Variants in MYO19 observed in about 807,000 individuals in gnomAD.
The protein encoded by MYO19 is unconventional myosin-XIX.
Under a neutral mutation model 129.2 loss-of-function variants are expected in MYO19, and 132 were observed. The ratio of observed to expected loss-of-function variants is 1.02; its 90% CI spans 0.89 to 1.18. The LOEUF is 1.18. MYO19 is among the 50% of genes most tolerant of loss of function. The pLI is 0.00. For missense variants in MYO19, 1,210 were observed against 1,216.7 expected, an observed-to-expected ratio of 0.99 and a Z score of 0.08; for synonymous variants, 531 against 477.2, an observed-to-expected ratio of 1.11 and a Z score of -1.47.
At position 36,507,494 on chromosome 17, in the gene MYO19, C is replaced by T; in HGVS notation, c.1372G>A (p.Gly458Ser). 1.2e-6 allele frequency: 2 copies of T among 1,613,588 alleles called. No homozygotes were observed. The highest frequency in any genetic ancestry group is 1.7e-6 in the Non-Finnish European group (2 of 1,179,860). The change falls in exon 16 of 26, where the codon GGC becomes AGC. Residue 458 changes from glycine to serine, a missense_variant. Coordinates refer to ENST00000614623, the MANE Select transcript of MYO19 (RefSeq NM_001163735.2). ...TAGTTGATGAATGACCACTCCAGGC[C>T]CTCAACTGCGTATTCCTCCTAAAGA... ...RAQQEEYAVE[G>S]LEWSFINYQD...
chr17:36,523,197 A>C (rs1041544570), intron 6 of MYO19, among the ~76,000 whole-genome samples: 13 of 151,646 alleles, frequency 8.6e-5, no homozygotes, highest in South Asian at 2.1e-4. Flanking sequence ...AAAAAAAAAA[A>C]AAAACAAAAA....
chr17:36,543,526 G>A (rs1304628352), upstream of MYO19: 1 of 152,210 alleles, frequency 6.6e-6, no homozygotes, highest in East Asian at 1.9e-4. Flanking sequence ...TTATGTCACC[G>A]ACCCTAACAA....
upstream of MYO19, chr17:36,537,889 T>C (rs770939404): frequency 6.2e-7 from 1 of 1,614,148 alleles, no homozygotes; most frequent in Non-Finnish European, 8.5e-7. Context: ...AAGTCCTGGA[T>C]TATTGCCCTC....
upstream of MYO19, chr17:36,537,082 T>C: frequency 6.4e-7 from 1 of 1,564,406 alleles, no homozygotes; most frequent in Non-Finnish European, 8.6e-7. Flanking sequence ...TCCTTTGCTC[T>C]TGTTTTCACA....
chr17:36,526,850 G>A (rs1177350815), intron 5 of MYO19, among the ~76,000 whole-genome samples: 1 of 152,132 alleles, frequency 6.6e-6, no homozygotes, highest in Admixed American at 6.5e-5. Flanking sequence ...TCGCACTACT[G>A]CGCTCCAGCC....
intron 2 of MYO19, among the ~76,000 whole-genome samples, chr17:36,540,633 A>C: frequency 6.6e-6 from 1 of 152,186 alleles, no homozygotes; most frequent in East Asian, 1.9e-4. Flanking sequence ...GGTCTCCCAA[A>C]GTGCTGGGAT....
chr17:36,507,042 C>A lies in MYO19; in HGVS notation c.1565G>T (p.Ser522Ile), dbSNP rs778622607. The change falls in exon 17 of 26, where the codon AGC becomes ATC. Residue 522 changes from serine (S) to isoleucine (I), a missense_variant. Coordinates refer to ENST00000614623, the MANE Select transcript of MYO19 (RefSeq NM_001163735.2). ...CACCACAATGAAGCTGGGCTCCCGGCTGAGCTTATTGTGGCCCAGGCAGGG... is the reference window on the plus strand; with the variant it reads ...CACCACAATGAAGCTGGGCTCCCGGATGAGCTTATTGTGGCCCAGGCAGGG... ...GSPCLGHNKLSREPSFIVVHY... is the reference protein window; with the variant it reads ...GSPCLGHNKLIREPSFIVVHY... The A allele has an allele frequency of 3.1e-6, 5 of 1,613,744 alleles. No individual in the cohort carries two copies. Among genetic ancestry groups the A allele is most frequent in the Admixed American group, 3.3e-5 (2 of 60,020 alleles).
Position 36,512,699 on chromosome 17 carries a change from C to CT in MYO19, c.894+729dup, listed in dbSNP as rs2072446779. The CT allele has an allele frequency of 2.3e-6, 3 of 1,289,090 alleles. No homozygotes were observed. The South Asian group carries it at 3.7e-5, about 16-fold the overall frequency. The allele number at this position is 1,289,090 out of a possible 1,614,324, so 79.9% of individuals were successfully genotyped here. The stretch of plus-strand genomic sequence containing the variant: ...AGCCCCCATCTGGAGGTGAGGGTCA[C>CT]TTTCCACTGCATTGCTACCTCCCTG... On this transcript the variant is annotated intron_variant, in intron 11 of 25. Coordinates refer to ENST00000614623, the MANE Select transcript of MYO19 (RefSeq NM_001163735.2).
intron 13 of MYO19, chr17:36,509,377 C>A: frequency 1.7e-6 from 1 of 576,400 alleles, no homozygotes; most frequent in Non-Finnish European, 3.1e-6. Flanking sequence ...TATGGGAAGA[C>A]TGAGCACAGG....
At chr17:36,498,829 A>G (rs539674899) in intron 24 of MYO19, 3 of 594,150 alleles carry the variant, frequency 5.0e-6, no homozygotes, top group East Asian at 2.8e-5. Flanking sequence ...CCAGTCTTCT[A>G]AAGTGTACAT....
rs536019890 is a variant in MYO19 at position 36,530,287 on chromosome 17, A to G, written c.13-2085T>C. On this transcript the variant is annotated intron_variant, in intron 3 of 25. Transcript: ENST00000614623. ...TGGGGATATCACTGCACTGGGCAAC[A>G]AAGTGAGACCCTGTCTCTAAATAAT... Among the ~76,000 whole-genome samples, 5 of 152,284 alleles carry G rather than the reference A, an allele frequency of 3.3e-5. No homozygotes were observed. The East Asian group carries it at 7.7e-4, about 24-fold the overall frequency.
At chr17:36,537,384 T>A, upstream of MYO19, 1 of 1,614,040 alleles carries the variant, frequency 6.2e-7, no homozygotes, top group Non-Finnish European at 8.5e-7. Flanking sequence ...AGGGCTGTTG[T>A]ATCAAATATA....
At chr17:36,498,066 G>A (rs546943312) in intron 25 of MYO19, 200 bp downstream of exon 25, 9 of 561,050 alleles carry the variant, frequency 1.6e-5, no homozygotes, top group African/African-American at 1.3e-4. Context: ...AAAAGATAAA[G>A]GGCTCTGGAA....
At chr17:36,515,673 A>G (rs1375749078) in intron 7 of MYO19, among the ~76,000 whole-genome samples, 185 bp downstream of exon 7, 1 of 152,168 alleles carries the variant, frequency 6.6e-6, no homozygotes, top group Non-Finnish European at 1.5e-5. Context: ...ACTGAATGAC[A>G]TGACCTCTGT....
intron 19 of MYO19, chr17:36,504,912 C>CAAAAAAAAA (rs35146983): frequency 1.6e-5 from 3 of 181,936 alleles, no homozygotes; most frequent in Non-Finnish European, 2.2e-5. Flanking sequence ...GGCTCAGTCT[C>CAAAAAAAAA]AAAAAAAAAA....
chr17:36,498,062 T>TA (rs1035186436), intron 25 of MYO19: 1 of 559,628 alleles, frequency 1.8e-6, no homozygotes, highest in African/African-American at 1.9e-5. Flanking sequence ...TTTAAAAAGA[T>TA]AAAGGGCTCT....
At chr17:36,500,600 C>T (rs998604078) in intron 23 of MYO19, 3 of 584,816 alleles carry the variant, frequency 5.1e-6, no homozygotes, top group Non-Finnish European at 8.6e-6. Flanking sequence ...AACGCTTAGC[C>T]TCCACTTCTT....
At chr17:36,528,489 C>T (rs1308111367) in intron 3 of MYO19, among the ~76,000 whole-genome samples, 4 of 148,714 alleles carry the variant, frequency 2.7e-5, no homozygotes, top group East Asian at 2.0e-4. Flanking sequence ...CCAGCCTGGG[C>T]GACAGAGCAA....
intron 25 of MYO19, 151 bp downstream of exon 25, chr17:36,498,115 A>C: frequency 1.4e-6 from 1 of 735,982 alleles, no homozygotes; most frequent in Non-Finnish European, 2.1e-6. Context: ...CCAAACCTGC[A>C]GCTGATTGGG....
Sources: gnomAD v4.1 joint callset for allele counts (sites outside exome capture counted in the v4.1 genomes callset) on GRCh38, gnomAD v4.1.1 for gene constraint, MANE v1.5 for transcripts, NCBI Gene and HGNC (gene_info 2026-07-23, HGNC 2026-07-21) for gene names.